RBFOX1: variants seen among roughly 807,000 people sequenced by gnomAD.
The protein encoded by RBFOX1 is RNA binding fox-1 homolog 1.
In RBFOX1, 8 loss-of-function variants were observed where a neutral mutation model predicts 57.7. That is an observed-to-expected ratio of 0.14 (90% CI 0.08 to 0.25). The LOEUF (loss-of-function observed/expected upper bound fraction) is 0.25. Among genes scored for constraint, RBFOX1 ranks in the 10% least tolerant of loss-of-function variants. RBFOX1 has a pLI of 1.00. For synonymous variants in RBFOX1, 326 were observed against 222.4 expected (o/e 1.47, Z -4.15); for missense variants, 611 against 548.5 (o/e 1.11, Z -1.14).
intron 3 of RBFOX1, among the ~76,000 whole-genome samples, chr16:6,686,016 C>T (rs777726570): frequency 6.6e-6 from 1 of 152,148 alleles, no homozygotes; most frequent in Non-Finnish European, 1.5e-5. Context: ...AAAAATACTG[C>T]ATATTGACAA....
chr16:7,352,182 A>G (rs1433922782), intron 4 of RBFOX1, among the ~76,000 whole-genome samples: 2 of 152,168 alleles, frequency 1.3e-5, no homozygotes, highest in African/African-American at 4.8e-5. Context: ...GCTTTGCAGC[A>G]TGGCAGATTT....
chr16:7,482,737 C>T (rs1481611109), intron 4 of RBFOX1, among the ~76,000 whole-genome samples: 2 of 151,870 alleles, frequency 1.3e-5, no homozygotes, highest in South Asian at 2.1e-4. Flanking sequence ...CCTTCCTGGG[C>T]GTATTTGCTT....
intron 3 of RBFOX1, among the ~76,000 whole-genome samples, chr16:5,625,467 G>A (rs1411397513): frequency 1.3e-5 from 2 of 152,122 alleles, no homozygotes; most frequent in Non-Finnish European, 2.9e-5. Flanking sequence ...GTGCCTGACC[G>A]CTGCACCGTT....
At chr16:5,997,307 G>A (rs1324047913) in intron 4 of RBFOX1, among the ~76,000 whole-genome samples, 1 of 152,210 alleles carries the variant, frequency 6.6e-6, no homozygotes, top group Non-Finnish European at 1.5e-5. Context: ...ACAGCCCAGT[G>A]TGGCTGCATG....
chr16:5,297,447 A>T (rs926146462), intron 1 of RBFOX1, among the ~76,000 whole-genome samples: 4 of 152,208 alleles, frequency 2.6e-5, no homozygotes, highest in Non-Finnish European at 5.9e-5. Flanking sequence ...AATAGGTGTC[A>T]GGTAATATAT....
At chr16:5,756,545 A>G (rs2053403780) in intron 3 of RBFOX1, among the ~76,000 whole-genome samples, 1 of 152,160 alleles carries the variant, frequency 6.6e-6, no homozygotes, top group African/African-American at 2.4e-5. Flanking sequence ...TAATAAAGAT[A>G]AATTTGAGGA....
In RBFOX1 at chr16:5,649,497, T is replaced by A. The variant is rs1386965741; in HGVS notation, c.318+50536T>A. Among the ~76,000 whole-genome samples the A allele has an allele frequency of 2.0e-5, 3 of 152,334 alleles. No individual in the cohort carries two copies. The East Asian group carries it at 5.8e-4, about 29-fold the overall frequency. ...AAATAATATTTTTAAAATGTGTTTC[T>A]ACCACCCCACATTGGCAGTTGTTAT... On this transcript the variant is annotated intron_variant, in intron 3 of 19. Coordinates refer to the RBFOX1 transcript ENST00000641259.
At chr16:7,511,008 T>C (rs1417204148) in intron 4 of RBFOX1, among the ~76,000 whole-genome samples, 1 of 152,100 alleles carries the variant, frequency 6.6e-6, no homozygotes, top group East Asian at 1.9e-4. Flanking sequence ...GAGGGTGTGC[T>C]CAAGAAGTTT....
intron 5 of RBFOX1, among the ~76,000 whole-genome samples, chr16:7,566,650 A>C (rs1319362980): frequency 6.6e-6 from 1 of 152,240 alleles, no homozygotes; most frequent in East Asian, 1.9e-4. Flanking sequence ...ACCTCAGCAC[A>C]GTTTTCTTTT....
At chr16:6,609,017 T>A (rs181841925) in intron 2 of RBFOX1, among the ~76,000 whole-genome samples, 1 of 152,332 alleles carries the variant, frequency 6.6e-6, no homozygotes, top group African/African-American at 2.4e-5. Context: ...CACTCTGACC[T>A]GACCCTTCTG....
intron 1 of RBFOX1, among the ~76,000 whole-genome samples, chr16:5,327,469 A>T (rs947446728): frequency 6.6e-6 from 1 of 152,246 alleles, no homozygotes; most frequent in African/African-American, 2.4e-5. Flanking sequence ...GGGTCCAATT[A>T]AAAGCGTGTT....
At chr16:7,434,166 T>C (rs976709623) in intron 4 of RBFOX1, among the ~76,000 whole-genome samples, 1 of 151,100 alleles carries the variant, frequency 6.6e-6, no homozygotes, top group African/African-American at 2.4e-5. Context: ...GACAGACATG[T>C]GGTGGTATAA....
chr16:5,344,454 G>A (rs1007812750), intron 1 of RBFOX1, among the ~76,000 whole-genome samples: 1 of 152,102 alleles, frequency 6.6e-6, no homozygotes, highest in Non-Finnish European at 1.5e-5. Flanking sequence ...ACACTCACTG[G>A]ATGCTTCTTA....
intron 4 of RBFOX1, among the ~76,000 whole-genome samples, chr16:7,246,988 A>G (rs749462016): frequency 6.6e-5 from 10 of 152,078 alleles, no homozygotes; most frequent in Non-Finnish European, 1.0e-4. Context: ...TTCTTTTCCT[A>G]TTGGTCCCCA....
chr16:5,675,453 C>G (rs2050138147), intron 3 of RBFOX1, among the ~76,000 whole-genome samples: 1 of 152,218 alleles, frequency 6.6e-6, no homozygotes, highest in African/African-American at 2.4e-5. Context: ...CAATAGAGAA[C>G]TCAGCTCACG....
intron 1 of RBFOX1, among the ~76,000 whole-genome samples, chr16:5,398,789 C>T (rs1246937674): frequency 6.6e-6 from 1 of 152,090 alleles, no homozygotes; most frequent in East Asian, 1.9e-4. Flanking sequence ...TTCTGGTGAG[C>T]AGCACGTTGG....
intron 3 of RBFOX1, among the ~76,000 whole-genome samples, chr16:5,742,817 G>A (rs1444464796): frequency 2.0e-5 from 3 of 152,196 alleles, no homozygotes; most frequent in Non-Finnish European, 4.4e-5. Flanking sequence ...AGGTAAGCTA[G>A]CCTGAAAGAA....
At chr16:6,860,744 A>G (rs193053781) in intron 3 of RBFOX1, among the ~76,000 whole-genome samples, 44 of 152,318 alleles carry the variant, frequency 2.9e-4, no homozygotes, top group African/African-American at 8.7e-4. Context: ...GCCAGTGTGG[A>G]TAAATCTGAA....
At chr16:5,671,985 C>G (rs905381106) in intron 3 of RBFOX1, among the ~76,000 whole-genome samples, 1 of 152,154 alleles carries the variant, frequency 6.6e-6, no homozygotes, top group Middle Eastern at 3.4e-3. Context: ...AAAAGCCTGT[C>G]CTATGTTCTT....
Sources: allele counts gnomAD v4.1 joint callset (sites outside exome capture counted in the v4.1 genomes callset), GRCh38; gene constraint gnomAD v4.1.1; transcripts MANE v1.5; gene names NCBI Gene and HGNC (gene_info 2026-07-23, HGNC 2026-07-21).